ARHGAP32: variants seen among roughly 807,000 people sequenced by gnomAD.
The protein encoded by ARHGAP32 is rho GTPase-activating protein 32.
Under a neutral mutation model 186.5 loss-of-function variants are expected in ARHGAP32, and 51 were observed. That is an observed-to-expected ratio of 0.27 (90% CI 0.22 to 0.35). ARHGAP32 has a LOEUF of 0.35. Among genes scored for constraint, ARHGAP32 ranks in the 10% least tolerant of loss-of-function variants. The pLI is 1.00. For synonymous variants in ARHGAP32, 950 were observed against 964.3 expected, an observed-to-expected ratio of 0.99 and a Z score of 0.27; for missense variants, 2,186 against 2,623.5, an observed-to-expected ratio of 0.83 and a Z score of 3.64.
intron 1 of ARHGAP32, among the ~76,000 whole-genome samples, chr11:129,188,832 A>G (rs1944217743): frequency 6.6e-6 from 1 of 152,220 alleles, no homozygotes. Flanking sequence ...GATCGTGATC[A>G]AAAATATGGT....
intron 1 of ARHGAP32, among the ~76,000 whole-genome samples, chr11:129,182,279 AAC>A (rs1462198100): frequency 6.6e-6 from 1 of 151,612 alleles, no homozygotes; most frequent in Admixed American, 6.6e-5. Flanking sequence ...ATATCTGAAA[AAC>A]AAATTTTCTA....
intron 1 of ARHGAP32, among the ~76,000 whole-genome samples, chr11:129,246,291 A>G (rs1312738142): frequency 6.6e-6 from 1 of 152,216 alleles, no homozygotes; most frequent in East Asian, 1.9e-4. Context: ...ATGTGGCAGA[A>G]CTAACGAAAG....
At chr11:128,978,989 CAT>C in intron 18 of ARHGAP32, 74 bp from the exon 19 acceptor site, 1 of 1,389,064 alleles carries the variant, frequency 7.2e-7, no homozygotes, top group Non-Finnish European at 9.7e-7. Context: ...GAAATGAACA[CAT>C]GACAGAAAGA....
chr11:129,083,160 A>G (rs1264200880), intron 6 of ARHGAP32, among the ~76,000 whole-genome samples: 1 of 152,232 alleles, frequency 6.6e-6, no homozygotes, highest in Non-Finnish European at 1.5e-5. Flanking sequence ...TACAACCACT[A>G]TGGAAAACAG....
Position 129,124,904 on chromosome 11 carries a change from T to C in ARHGAP32, c.226-10A>G. On this transcript the variant is annotated splice_polypyrimidine_tract_variant and intron_variant, in intron 2 of 22. Coordinates refer to ENST00000682385, the MANE Select transcript of ARHGAP32 (RefSeq NM_001378024.1). ...CATCTGCGCCTCTTGCCTTAAAAAA[T>C]AAAGACAAAATATTTATGGCTATTA... 1.3e-6 allele frequency: 2 copies of C among 1,595,562 alleles called. No homozygotes were observed. Among genetic ancestry groups the C allele is most frequent in the Non-Finnish European group, 1.7e-6 (2 of 1,171,262 alleles).
chr11:129,009,970 G>C (rs1056678934), intron 11 of ARHGAP32, among the ~76,000 whole-genome samples: 5 of 152,072 alleles, frequency 3.3e-5, no homozygotes, highest in Admixed American at 6.5e-5. Flanking sequence ...CTGCAACCTT[G>C]TCAGCATCTG....
chr11:129,052,796 C>T (rs946618011), intron 10 of ARHGAP32, among the ~76,000 whole-genome samples: 1 of 152,094 alleles, frequency 6.6e-6, no homozygotes, highest in African/African-American at 2.4e-5. Flanking sequence ...ACATAAATTA[C>T]TTTCCTTTTA....
rs370231184 is a variant in ARHGAP32, at chr11:129,056,204, G to A, written c.963+6076C>T. ...AAGGTATAGGTGAGGGGAGTGGGCA[G>A]GGGTATTACATGAAACTCTGAACTA... is the stretch of plus-strand genomic sequence containing the variant. On this transcript the variant is annotated intron_variant, in intron 10 of 22. Coordinates refer to ENST00000682385, the MANE Select transcript of ARHGAP32 (RefSeq NM_001378024.1). 2.4e-4 allele frequency among the ~76,000 whole-genome samples: 37 copies of A among 152,280 alleles called. No individual in the cohort carries two copies. The East Asian group carries it at 5.4e-3, about 22-fold the overall frequency.
chr11:129,219,514 G>C (rs1474706725), intron 1 of ARHGAP32, among the ~76,000 whole-genome samples: 1 of 152,080 alleles, frequency 6.6e-6, no homozygotes, highest in African/African-American at 2.4e-5. Flanking sequence ...TGCAATTTAT[G>C]CTTCACATAA....
Position 128,978,908 on chromosome 11 carries a change from G to T in ARHGAP32, c.1984C>A (p.Pro662Thr). 1.9e-6 allele frequency: 3 copies of T among 1,600,906 alleles called. No individual in the cohort carries two copies. The highest frequency in any genetic ancestry group is 2.6e-6 in the Non-Finnish European group (3 of 1,175,794). The change falls in exon 19 of 23, where the codon CCT becomes ACT. Residue 662 changes from proline (P) to threonine (T), a missense_variant. Coordinates refer to ENST00000682385, the MANE Select transcript of ARHGAP32 (RefSeq NM_001378024.1). ...GGAGACTTTTTCATCTTATTTTGAG[G>T]CCTCTTTCTATGAAAGAGAAAAAAT... is the stretch of plus-strand genomic sequence containing the variant. ...IIEFPLERKR[P>T]QNKMKKSPVG...
intron 1 of ARHGAP32, among the ~76,000 whole-genome samples, chr11:129,256,333 T>C (rs1000706113): frequency 6.6e-6 from 1 of 152,114 alleles, no homozygotes; most frequent in Non-Finnish European, 1.5e-5. Context: ...AAGACCGCAA[T>C]TAATTCTGGT....
At chr11:129,109,376 A>C (rs543162139) in intron 5 of ARHGAP32, among the ~76,000 whole-genome samples, 1 of 152,222 alleles carries the variant, frequency 6.6e-6, no homozygotes, top group East Asian at 1.9e-4. Context: ...ATAGTGCTGC[A>C]ATAAACATGG....
At chr11:129,060,484 T>C (rs1940455740) in intron 10 of ARHGAP32, among the ~76,000 whole-genome samples, 1 of 152,162 alleles carries the variant, frequency 6.6e-6, no homozygotes, top group South Asian at 2.1e-4. Context: ...TGATCATCTT[T>C]GAGACCCTTA....
At chr11:129,088,504 T>TGA (rs1218372052) in intron 6 of ARHGAP32, among the ~76,000 whole-genome samples, 1 of 152,082 alleles carries the variant, frequency 6.6e-6, no homozygotes, top group African/African-American at 2.4e-5. Context: ...CACTTGAACC[T>TGA]GTGAGTTGGA....
At chr11:129,011,593 C>T (rs1237602723) in intron 11 of ARHGAP32, among the ~76,000 whole-genome samples, 1 of 151,968 alleles carries the variant, frequency 6.6e-6, no homozygotes, top group Non-Finnish European at 1.5e-5. Flanking sequence ...GAGCATAGGC[C>T]AGAATAGAGA....
intron 1 of ARHGAP32, among the ~76,000 whole-genome samples, chr11:129,173,278 A>C (rs1943812442): frequency 6.6e-6 from 1 of 151,952 alleles, no homozygotes; most frequent in Admixed American, 6.6e-5. Flanking sequence ...TGAATCCCTG[A>C]ATAGACCAAT....
intron 11 of ARHGAP32, among the ~76,000 whole-genome samples, chr11:128,999,811 G>C (rs898416916): frequency 6.6e-6 from 1 of 152,292 alleles, no homozygotes; most frequent in East Asian, 1.9e-4. Flanking sequence ...CATGACGTTT[G>C]AATCAAGCTT....
intron 2 of ARHGAP32, among the ~76,000 whole-genome samples, chr11:129,130,765 T>C (rs570925314): frequency 7.5e-4 from 114 of 152,270 alleles, no homozygotes; most frequent in Middle Eastern, 3.4e-3. Context: ...GCATAGCCAT[T>C]TGGGAAATTG....
At chr11:129,199,480 G>C (rs1275064797) in intron 1 of ARHGAP32, among the ~76,000 whole-genome samples, 3 of 152,230 alleles carry the variant, frequency 2.0e-5, no homozygotes, top group African/African-American at 7.2e-5. Context: ...TGGCTAAAAG[G>C]GGCCAAGATA....
Sources: allele counts gnomAD v4.1 joint callset (sites outside exome capture counted in the v4.1 genomes callset), GRCh38; gene constraint gnomAD v4.1.1; transcripts MANE v1.5; gene names NCBI Gene and HGNC (gene_info 2026-07-23, HGNC 2026-07-21).